PIGL: variants seen among roughly 807,000 people sequenced by gnomAD.
The protein encoded by PIGL is phosphatidylinositol glycan anchor biosynthesis class L.
Under a neutral mutation model 31.1 loss-of-function variants are expected in PIGL, and 22 were observed. The ratio of observed to expected loss-of-function variants is 0.71; its 90% confidence interval spans 0.51 to 1.01. PIGL has a LOEUF of 1.01. Among genes scored for constraint, PIGL ranks in the 50% least tolerant of loss-of-function variants. PIGL has a pLI of 0.00. For synonymous variants in PIGL, 131 were observed against 117.4 expected (o/e 1.12, Z -0.75); for missense variants, 302 against 315.9 (o/e 0.96, Z 0.33).
At chr17:16,218,401 G>C (rs945804131) in intron 1 of PIGL, among the ~76,000 whole-genome samples, 2 of 152,108 alleles carry the variant, frequency 1.3e-5, no homozygotes, top group African/African-American at 4.8e-5. Flanking sequence ...ATACAAAAGT[G>C]GAAAGCTAGA....
rs567304036 is a variant in PIGL, at chr17:16,295,609, G to A, written c.336-4279G>A. Reference sequence around the variant, plus strand: ...TCCAGTGAGCTGTGATTGTACCACCGCATTCCAGCCTGGGTGACAGAGCAA... The same window carrying A: ...TCCAGTGAGCTGTGATTGTACCACCACATTCCAGCCTGGGTGACAGAGCAA... On this transcript the variant is annotated intron_variant, in intron 2 of 6. Coordinates refer to ENST00000225609, the MANE Select transcript of PIGL (RefSeq NM_004278.4). Among the ~76,000 whole-genome samples the A allele has an allele frequency of 4.6e-5, 7 of 151,940 alleles. No homozygotes were observed. The South Asian group carries it at 1.2e-3, about 27-fold the overall frequency.
intron 2 of PIGL, among the ~76,000 whole-genome samples, chr17:16,292,058 G>A (rs1451655323): frequency 9.9e-6 from 1 of 101,490 alleles, no homozygotes; most frequent in East Asian, 3.1e-4. Flanking sequence ...TTTTTGAGAT[G>A]GAGCCTTGCT....
intron 6 of PIGL, chr17:16,324,533 A>G (rs1406956860): frequency 6.7e-6 from 1 of 148,798 alleles, no homozygotes; most frequent in African/African-American, 2.5e-5. Context: ...CTAATTTTGT[A>G]TTTTTAGTAG....
chr17:16,317,271 A>G, intron 5 of PIGL: 2 of 1,002,432 alleles, frequency 2.0e-6, no homozygotes, highest in African/African-American at 1.7e-5. Flanking sequence ...GGAGCTTACC[A>G]AGCCATGATG....
At chr17:16,325,655 G>A (rs943772487) in intron 6 of PIGL, 145 bp from the exon 7 acceptor site, 27 of 646,836 alleles carry the variant, frequency 4.2e-5, no homozygotes, top group African/African-American at 1.6e-4. Context: ...AGAGAGGTTC[G>A]TGGGTTACAG....
intron 3 of PIGL, among the ~76,000 whole-genome samples, chr17:16,311,463 C>CTTTATTTTTTTTTTTTTT (rs1313783180): frequency 1.7e-4 from 1 of 5,838 alleles, no homozygotes. Context: ...CAGAGGTTTT[C>CTTTATTTTTTTTTTTTTT]TTTCTTTTTT....
intron 2 of PIGL, among the ~76,000 whole-genome samples, chr17:16,282,387 GA>G (rs969818341): frequency 3.3e-5 from 5 of 152,030 alleles, no homozygotes; most frequent in African/African-American, 1.2e-4. Flanking sequence ...ATGGAATGCT[GA>G]ATTAGAGGTA....
intron 3 of PIGL, among the ~76,000 whole-genome samples, chr17:16,301,871 A>AT (rs375406617): frequency 1.2e-3 from 176 of 145,396 alleles, no homozygotes; most frequent in African/African-American, 8.8e-4. Flanking sequence ...GCCCAGCCTA[A>AT]TTTTTTTTTT....
chr17:16,218,562 GCAGAGAA>G (rs751425568), intron 1 of PIGL, among the ~76,000 whole-genome samples: 97 of 152,014 alleles, frequency 6.4e-4, no homozygotes, highest in Non-Finnish European at 1.2e-3. Flanking sequence ...ATTGCAAAGA[GCAGAGAA>G]CATCTTTATG....
chr17:16,269,407 G>A (rs2092859980), intron 2 of PIGL, among the ~76,000 whole-genome samples: 1 of 152,138 alleles, frequency 6.6e-6, no homozygotes, highest in Non-Finnish European at 1.5e-5. Flanking sequence ...CAGCACTTTG[G>A]GAGGCTGAGG....
chr17:16,276,289 A>G (rs1475302459), intron 2 of PIGL, among the ~76,000 whole-genome samples: 1 of 152,234 alleles, frequency 6.6e-6, no homozygotes, highest in Non-Finnish European at 1.5e-5. Context: ...AGCTTATTCC[A>G]ATATGTGCCC....
chr17:16,234,327 G>C (rs1178774618), intron 2 of PIGL, among the ~76,000 whole-genome samples: 1 of 151,802 alleles, frequency 6.6e-6, no homozygotes, highest in Admixed American at 6.6e-5. Context: ...TGGGCATTGT[G>C]GTCCAGCTAC....
intron 1 of PIGL, among the ~76,000 whole-genome samples, chr17:16,228,468 T>C (rs1244152297): frequency 6.6e-6 from 1 of 152,064 alleles, no homozygotes; most frequent in Non-Finnish European, 1.5e-5. Context: ...CACTGCAAGC[T>C]CCGCCTCCCG....
intron 2 of PIGL, among the ~76,000 whole-genome samples, chr17:16,294,514 A>G (rs2092973374): frequency 1.3e-5 from 2 of 152,130 alleles, no homozygotes; most frequent in Non-Finnish European, 2.9e-5. Context: ...GCTTTTCCAT[A>G]AAGCTGGAAA....
At chr17:16,273,631 T>C (rs992722063) in intron 2 of PIGL, among the ~76,000 whole-genome samples, 1 of 143,422 alleles carries the variant, frequency 7.0e-6, no homozygotes, top group African/African-American at 2.6e-5. Flanking sequence ...TGAGAGGAGA[T>C]AGTTTCTAGT....
At chr17:16,240,993 A>G (rs2092720604) in intron 2 of PIGL, among the ~76,000 whole-genome samples, 1 of 151,092 alleles carries the variant, frequency 6.6e-6, no homozygotes, top group African/African-American at 2.4e-5. Flanking sequence ...ACATCCCTGT[A>G]ATCCCAGCTA....
intron 1 of PIGL, among the ~76,000 whole-genome samples, chr17:16,219,667 A>G (rs764243124): frequency 2.0e-5 from 3 of 152,046 alleles, no homozygotes; most frequent in Admixed American, 1.3e-4. Context: ...TCCTGAGTTT[A>G]AGCAATTCTC....
Position 16,299,987 on chromosome 17 carries a change from G to A in PIGL, c.426+9G>A, listed in dbSNP as rs748531010. 1 of 1,607,146 alleles carries A rather than the reference G, an allele frequency of 6.2e-7. No homozygotes were observed. Among genetic ancestry groups the A allele is most frequent in the South Asian group, 1.1e-5 (1 of 90,928 alleles). On this transcript the variant is annotated intron_variant, in intron 3 of 6. Coordinates refer to ENST00000225609, the MANE Select transcript of PIGL (RefSeq NM_004278.4). ...TGAATGGCATCAATCTGGTAAGGGG[G>A]CAGCTCCCTGAATGGAAAACCTGAG...
chr17:16,229,210 A>G (rs540104743), intron 1 of PIGL, among the ~76,000 whole-genome samples: 7 of 152,258 alleles, frequency 4.6e-5, no homozygotes, highest in African/African-American at 1.7e-4. Context: ...CCAGGAGGTC[A>G]AGGCTGCAGT....
Sources: allele counts gnomAD v4.1 joint callset (sites outside exome capture counted in the v4.1 genomes callset), GRCh38; gene constraint gnomAD v4.1.1; transcripts MANE v1.5; gene names NCBI Gene and HGNC (gene_info 2026-07-23, HGNC 2026-07-21).